RALYL: variants seen among roughly 807,000 people sequenced by gnomAD.
The protein encoded by RALYL is RALY RNA binding protein like.
RALYL carries 29 observed loss-of-function variants against 35.1 expected under a neutral mutation model. That is an observed-to-expected ratio of 0.83 (90% CI 0.61 to 1.13). The LOEUF is 1.13. Among genes scored for constraint, RALYL ranks in the 50% most tolerant of loss-of-function variants. The probability of loss-of-function intolerance (pLI) is 0.00; values close to 1 mark genes in which losing one functional copy is unlikely to be tolerated. For synonymous variants in RALYL, 120 were observed against 127.6 expected, an observed-to-expected ratio of 0.94 and a Z score of 0.40; for missense variants, 359 against 360.4, an observed-to-expected ratio of 1.00 and a Z score of 0.03.
intron 4 of RALYL, among the ~76,000 whole-genome samples, chr8:84,845,360 T>A (rs765588978): frequency 2.0e-5 from 3 of 152,194 alleles, no homozygotes; most frequent in Non-Finnish European, 2.9e-5. Context: ...GTTTTTTTAT[T>A]TTTTAACAAA....
chr8:84,473,445 C>T (rs1462700387), intron 1 of RALYL, among the ~76,000 whole-genome samples: 2 of 151,582 alleles, frequency 1.3e-5, no homozygotes, highest in Non-Finnish European at 3.0e-5. Context: ...AAAGTGAATT[C>T]ATGTAATTAG....
intron 1 of RALYL, among the ~76,000 whole-genome samples, chr8:84,370,508 C>T (rs1855470133): frequency 6.6e-6 from 1 of 151,782 alleles, no homozygotes; most frequent in South Asian, 2.1e-4. Context: ...GTAAACTAAT[C>T]ATGAGTCTGT....
chr8:84,597,209 G>A (rs541071479), intron 2 of RALYL, among the ~76,000 whole-genome samples: 50 of 152,158 alleles, frequency 3.3e-4, no homozygotes, highest in Middle Eastern at 3.4e-3. Flanking sequence ...CTTTATCACC[G>A]TGGCGCTTAG....
At chr8:84,907,026 A>G in intron 8 of RALYL, 1 of 947,812 alleles carries the variant, frequency 1.1e-6, no homozygotes, top group Non-Finnish European at 1.3e-6. Flanking sequence ...GCTGGTAAGA[A>G]TTCTTTTCAC....
chr8:84,777,749 C>A (rs189298754), intron 3 of RALYL, among the ~76,000 whole-genome samples: 1 of 152,254 alleles, frequency 6.6e-6, no homozygotes, highest in Non-Finnish European at 1.5e-5. Flanking sequence ...TCATGCCATA[C>A]CCCTGCCTCA....
chr8:84,440,662 A>C (rs1480790375), intron 1 of RALYL, among the ~76,000 whole-genome samples: 2 of 152,056 alleles, frequency 1.3e-5, no homozygotes, highest in Non-Finnish European at 2.9e-5. Flanking sequence ...AGATTCATCT[A>C]CTTTGTTCCT....
chr8:84,751,806 C>T (rs558328244), intron 2 of RALYL, among the ~76,000 whole-genome samples: 1 of 152,296 alleles, frequency 6.6e-6, no homozygotes, highest in South Asian at 2.1e-4. Context: ...AAGCACATGC[C>T]AGTATCATGC....
At chr8:84,734,338 A>C (rs1216104322) in intron 2 of RALYL, among the ~76,000 whole-genome samples, 1 of 152,204 alleles carries the variant, frequency 6.6e-6, no homozygotes, top group Non-Finnish European at 1.5e-5. Flanking sequence ...CAAAGACCTT[A>C]GGTATAGTTC....
chr8:84,672,345 C>T (rs1407155067), intron 2 of RALYL, among the ~76,000 whole-genome samples: 1 of 152,200 alleles, frequency 6.6e-6, no homozygotes, highest in Non-Finnish European at 1.5e-5. Context: ...AACTTTCCCA[C>T]ATCTTGTCTT....
At chr8:84,547,810 G>C (rs1326991219) in intron 2 of RALYL, among the ~76,000 whole-genome samples, 1 of 152,100 alleles carries the variant, frequency 6.6e-6, no homozygotes, top group East Asian at 1.9e-4. Flanking sequence ...TATCATTTTT[G>C]AGAGTTGAGT....
chr8:84,655,301 T>A (rs1359104613), intron 2 of RALYL, among the ~76,000 whole-genome samples: 1 of 151,928 alleles, frequency 6.6e-6, no homozygotes, highest in African/African-American at 2.4e-5. Flanking sequence ...AGGGTTTTTT[T>A]TTTGTTTTTG....
intron 1 of RALYL, among the ~76,000 whole-genome samples, chr8:84,381,690 G>A (rs763175551): frequency 6.6e-6 from 1 of 151,778 alleles, no homozygotes; most frequent in Non-Finnish European, 1.5e-5. Flanking sequence ...TCAGACTGCA[G>A]TATTTACCTA....
intron 2 of RALYL, among the ~76,000 whole-genome samples, chr8:84,754,143 A>G (rs1265175357): frequency 1.3e-5 from 2 of 152,018 alleles, no homozygotes; most frequent in Non-Finnish European, 2.9e-5. Flanking sequence ...CTTTAGTTTA[A>G]TTAGATCCCA....
intron 2 of RALYL, among the ~76,000 whole-genome samples, chr8:84,767,337 C>T (rs1814340927): frequency 6.6e-6 from 1 of 152,010 alleles, no homozygotes; most frequent in South Asian, 2.1e-4. Flanking sequence ...AAAGAAGAAA[C>T]AAAAATTGGC....
chr8:84,745,363 G>A (rs1329060825), intron 2 of RALYL, among the ~76,000 whole-genome samples: 1 of 151,886 alleles, frequency 6.6e-6, no homozygotes, highest in Non-Finnish European at 1.5e-5. Flanking sequence ...TTTTTTAAAT[G>A]CGTCTATGAT....
At chr8:84,466,949 C>G (rs1210655838) in intron 1 of RALYL, among the ~76,000 whole-genome samples, 2 of 151,730 alleles carry the variant, frequency 1.3e-5, no homozygotes, top group Non-Finnish European at 2.9e-5. Flanking sequence ...TGTAGTATTC[C>G]CTGATGGTAG....
intron 2 of RALYL, among the ~76,000 whole-genome samples, chr8:84,605,894 C>T (rs1337897540): frequency 3.3e-5 from 5 of 152,028 alleles, no homozygotes; most frequent in Admixed American, 6.6e-5. Context: ...TTGAAATGCC[C>T]CTGCTTCCAG....
chr8:84,499,143 C>T (rs1460106858), intron 1 of RALYL, among the ~76,000 whole-genome samples: 1 of 150,646 alleles, frequency 6.6e-6, no homozygotes, highest in Non-Finnish European at 1.5e-5. Flanking sequence ...AGGTTTGTTA[C>T]ATGGATACAC....
intron 7 of RALYL, among the ~76,000 whole-genome samples, chr8:84,884,516 C>T (rs2081672): frequency 2.6e-5 from 4 of 151,594 alleles, no homozygotes; most frequent in African/African-American, 7.3e-5. Flanking sequence ...CACACACACA[C>T]ATATACACAC....
Sources: gnomAD v4.1 joint callset for allele counts (sites outside exome capture counted in the v4.1 genomes callset) on GRCh38, gnomAD v4.1.1 for gene constraint, MANE v1.5 for transcripts, NCBI Gene and HGNC (gene_info 2026-07-23, HGNC 2026-07-21) for gene names.